Variants in NAALADL2 observed in about 807,000 individuals in gnomAD.
NAALADL2 encodes N-acetylated alpha-linked acidic dipeptidase like 2, also known as inactive N-acetylated-alpha-linked acidic dipeptidase-like protein 2.
A neutral mutation model predicts 87.2 loss-of-function variants in NAALADL2; 76 were observed. The ratio of observed to expected loss-of-function variants is 0.87; its 90% CI spans 0.72 to 1.05. The LOEUF (loss-of-function observed/expected upper bound fraction) is 1.05. Ranked by LOEUF, NAALADL2 falls within the 50% of genes least tolerant of loss-of-function variation. NAALADL2 has a pLI of 0.00. For missense variants in NAALADL2, 1,089 were observed against 945.8 expected (o/e 1.15, Z -1.99); for synonymous variants, 354 against 331.0 (o/e 1.07, Z -0.75).
chr3:174,844,110 C>T (rs1236420082), intron 3 of NAALADL2, among the ~76,000 whole-genome samples: 3 of 152,120 alleles, frequency 2.0e-5, no homozygotes, highest in Non-Finnish European at 4.4e-5. Context: ...TGTTGTAAAG[C>T]ATTTACCTAT....
At chr3:175,466,711 A>G (rs1724087091) in intron 7 of NAALADL2, among the ~76,000 whole-genome samples, 2 of 152,184 alleles carry the variant, frequency 1.3e-5, no homozygotes. Context: ...GCATATTTAC[A>G]TGCTTCATTA....
rs373832600 is a variant in NAALADL2, at chr3:175,130,705, C to T, written c.545+33414C>T. Among the ~76,000 whole-genome samples, 25 of 152,244 alleles carry T rather than the reference C, an allele frequency of 1.6e-4. No individual in the cohort carries two copies. The South Asian group carries it at 5.2e-3, about 32-fold the overall frequency. On this transcript the variant is annotated intron_variant, in intron 2 of 13. Transcript: ENST00000454872. ...ATTATGTATTTGTTTCTCTTTAAGC[C>T]ATCTAATTTGACACATGTATGTGTC...
Position 175,365,838 on chromosome 3 carries a change from CA to C in NAALADL2, c.1090+41514del, listed in dbSNP as rs1004723656. Among the ~76,000 whole-genome samples, 27 of 147,198 alleles carry C rather than the reference CA, an allele frequency of 1.8e-4. 2 individuals are homozygous for C. The highest frequency in any genetic ancestry group is 4.9e-4 in the African/African-American group (20 of 40,646). On this transcript the variant is annotated intron_variant, in intron 5 of 13. Coordinates refer to ENST00000454872, the MANE Select transcript of NAALADL2 (RefSeq NM_207015.3). Reference sequence around the variant, plus strand: ...AAAGCAACTGTAATGAAAATAGTTACATTTTTTTTAAGCATCTGAACTTTAT... The same window carrying C: ...AAAGCAACTGTAATGAAAATAGTTACTTTTTTTTAAGCATCTGAACTTTAT...
At chr3:175,559,300 G>A (rs1205896727) in intron 9 of NAALADL2, among the ~76,000 whole-genome samples, 1 of 146,576 alleles carries the variant, frequency 6.8e-6, no homozygotes, top group Non-Finnish European at 1.5e-5. Context: ...TTTTGAATTT[G>A]TTTACTAGTT....
At chr3:175,706,654 C>T (rs938059049) in intron 11 of NAALADL2, among the ~76,000 whole-genome samples, 1 of 152,122 alleles carries the variant, frequency 6.6e-6, no homozygotes, top group Non-Finnish European at 1.5e-5. Flanking sequence ...AATAGCTAAA[C>T]GTTTACAAAT....
intron 2 of NAALADL2, among the ~76,000 whole-genome samples, chr3:175,163,396 C>G (rs1380129680): frequency 6.6e-6 from 1 of 151,878 alleles, no homozygotes; most frequent in Non-Finnish European, 1.5e-5. Flanking sequence ...TAGTTGTTTG[C>G]AAATGTAGTT....
At chr3:175,198,553 A>G (rs1400060268) in intron 2 of NAALADL2, among the ~76,000 whole-genome samples, 5 of 152,144 alleles carry the variant, frequency 3.3e-5, no homozygotes, top group Admixed American at 6.6e-5. Context: ...TAATTCCAAT[A>G]TATAGTTAGT....
intron 1 of NAALADL2, among the ~76,000 whole-genome samples, chr3:174,507,449 T>C (rs1484016785): frequency 6.6e-6 from 1 of 152,164 alleles, no homozygotes; most frequent in Non-Finnish European, 1.5e-5. Flanking sequence ...TTTCTTCTTA[T>C]TTTTGTAATC....
rs553024013 is a variant in NAALADL2 at position 174,895,157 on chromosome 3, A to G, written c.43+35707A>G. 1.2e-4 allele frequency among the ~76,000 whole-genome samples: 19 copies of G among 152,200 alleles called. No homozygotes were observed. In the South Asian group the frequency reaches 3.9e-3, roughly 32 times the overall value. On this transcript the variant is annotated intron_variant, in intron 1 of 13. Transcript: ENST00000454872. ...AGAGCAAACCAAACCCAAAATTAGTATAAGAAAAGAAATAATAAAGATCAG... is the reference window on the plus strand; with the variant it reads ...AGAGCAAACCAAACCCAAAATTAGTGTAAGAAAAGAAATAATAAAGATCAG...
intron 2 of NAALADL2, among the ~76,000 whole-genome samples, chr3:175,182,466 C>A (rs112833417): frequency 7.9e-5 from 12 of 151,082 alleles, no homozygotes; most frequent in African/African-American, 2.7e-4. Context: ...TAGCTCACTG[C>A]AACCTTGTTC....
rs114942054 is a variant in NAALADL2 at position 175,697,257 on chromosome 3, C to A, written c.1897-40049C>A. On this transcript the variant is annotated intron_variant, in intron 11 of 13. Coordinates refer to ENST00000454872, the MANE Select transcript of NAALADL2 (RefSeq NM_207015.3). ...GCTGGAATATAGGAGCAGTAGAATACTAATAGATGTGATTCTTCTCATGCC... is the reference window on the plus strand; with the variant it reads ...GCTGGAATATAGGAGCAGTAGAATAATAATAGATGTGATTCTTCTCATGCC... 1.4e-3 allele frequency among the ~76,000 whole-genome samples: 219 copies of A among 152,122 alleles called. 1 individual carries two copies. Among genetic ancestry groups the A allele is most frequent in the African/African-American group, 5.0e-3 (209 of 41,506 alleles).
chr3:174,779,325 GT>G, intron 3 of NAALADL2, among the ~76,000 whole-genome samples: 1 of 151,542 alleles, frequency 6.6e-6, no homozygotes, highest in Non-Finnish European at 1.5e-5. Flanking sequence ...TGATGGGGTT[GT>G]TTTTTTCTTG....
intron 3 of NAALADL2, among the ~76,000 whole-genome samples, chr3:174,765,266 T>C (rs1056389751): frequency 6.6e-5 from 10 of 152,162 alleles, no homozygotes; most frequent in African/African-American, 2.4e-4. Flanking sequence ...GGGAAGGTTA[T>C]TTAAATAGTT....
intron 5 of NAALADL2, among the ~76,000 whole-genome samples, chr3:175,423,609 T>C (rs982198981): frequency 1.3e-5 from 2 of 152,176 alleles, no homozygotes; most frequent in African/African-American, 2.4e-5. Context: ...TCATTTTTTA[T>C]GGCAACATAG....
intron 1 of NAALADL2, chr3:175,081,315 A>C (rs1236796270): frequency 6.6e-6 from 1 of 152,176 alleles, no homozygotes; most frequent in Non-Finnish European, 1.5e-5. Flanking sequence ...AGCCAAGTGT[A>C]TACACTTTGA....
intron 2 of NAALADL2, among the ~76,000 whole-genome samples, chr3:174,690,318 C>G (rs1418636678): frequency 1.3e-5 from 2 of 152,046 alleles, no homozygotes; most frequent in East Asian, 1.9e-4. Flanking sequence ...CCCTTTCATA[C>G]TTCATTTGTA....
intron 9 of NAALADL2, among the ~76,000 whole-genome samples, chr3:175,485,646 G>T (rs554488961): frequency 1.8e-4 from 28 of 152,308 alleles, no homozygotes; most frequent in African/African-American, 6.0e-4. Context: ...AAGGCTGGAA[G>T]ACTCAGCAAG....
chr3:174,697,548 G>T (rs959947745), intron 2 of NAALADL2, among the ~76,000 whole-genome samples: 1 of 152,024 alleles, frequency 6.6e-6, no homozygotes, highest in Non-Finnish European at 1.5e-5. Flanking sequence ...GTATGTTGAA[G>T]CTGACAGGGT....
intron 5 of NAALADL2, among the ~76,000 whole-genome samples, chr3:175,442,809 A>G (rs1720032317): frequency 6.6e-6 from 1 of 152,222 alleles, no homozygotes; most frequent in Non-Finnish European, 1.5e-5. Context: ...TGAAGCATAA[A>G]CAAGGTACAG....
Sources: gnomAD v4.1 joint callset for allele counts (sites outside exome capture counted in the v4.1 genomes callset) on GRCh38, gnomAD v4.1.1 for gene constraint, MANE v1.5 for transcripts, NCBI Gene and HGNC (gene_info 2026-07-23, HGNC 2026-07-21) for gene names.